TEX36: variants seen among roughly 807,000 people sequenced by gnomAD.
TEX36 encodes the protein testis-expressed protein 36.
TEX36 carries 12 observed loss-of-function variants against 13.6 expected under a neutral mutation model. The observed-to-expected ratio is 0.88, with a 90% CI of 0.56 to 1.43. The LOEUF (loss-of-function observed/expected upper bound fraction) is 1.43, where lower values mean the gene tolerates loss of function less well. Among genes scored for constraint, TEX36 ranks in the 40% most tolerant of loss-of-function variants. TEX36 has a pLI of 0.00. For missense variants in TEX36, 224 were observed against 228.3 expected, an observed-to-expected ratio of 0.98 and a Z score of 0.12; for synonymous variants, 93 against 83.0, an observed-to-expected ratio of 1.12 and a Z score of -0.65.
chr10:125,637,853 C>A (rs1056183288), intron 3 of TEX36, among the ~76,000 whole-genome samples: 2 of 151,998 alleles, frequency 1.3e-5, no homozygotes, highest in African/African-American at 4.8e-5. Flanking sequence ...TTTTCTCCTG[C>A]CCCCACTCCT....
chr10:125,603,443 C>G (rs1221337610), intron 3 of TEX36, among the ~76,000 whole-genome samples: 5 of 152,104 alleles, frequency 3.3e-5, no homozygotes. Flanking sequence ...CCATTTCCCC[C>G]ACTGGTCCTT....
intron 3 of TEX36, among the ~76,000 whole-genome samples, chr10:125,638,714 C>T (rs1846648411): frequency 6.6e-6 from 1 of 152,232 alleles, no homozygotes; most frequent in Non-Finnish European, 1.5e-5. Flanking sequence ...TCTGCCTCCC[C>T]TAGCACCTTG....
At chr10:125,587,096 T>G (rs529907444) in intron 3 of TEX36, among the ~76,000 whole-genome samples, 38 of 152,254 alleles carry the variant, frequency 2.5e-4, no homozygotes, top group African/African-American at 7.9e-4. Flanking sequence ...TCCTGAGGCC[T>G]CCCCAGAAGC....
chr10:125,660,146 T>C (rs984443679), intron 3 of TEX36, among the ~76,000 whole-genome samples: 3 of 152,206 alleles, frequency 2.0e-5, no homozygotes, highest in Non-Finnish European at 2.9e-5. Context: ...TTGCTTGAGA[T>C]AGGATCTCAC....
At chr10:125,603,051 C>T (rs1003112217) in intron 3 of TEX36, among the ~76,000 whole-genome samples, 5 of 152,170 alleles carry the variant, frequency 3.3e-5, no homozygotes, top group Non-Finnish European at 5.9e-5. Context: ...GAGGTGAACA[C>T]GGCTCCCAAG....
intron 3 of TEX36, among the ~76,000 whole-genome samples, chr10:125,641,390 C>T (rs1271973595): frequency 3.3e-5 from 5 of 152,256 alleles, no homozygotes; most frequent in African/African-American, 4.8e-5. Context: ...CTTTGCCCTT[C>T]TAACCATCAT....
intron 3 of TEX36, among the ~76,000 whole-genome samples, chr10:125,657,102 TAAGA>T (rs1468533866): frequency 6.6e-6 from 1 of 152,156 alleles, no homozygotes; most frequent in Non-Finnish European, 1.5e-5. Flanking sequence ...AGATGAAAAC[TAAGA>T]AAGAAAACAC....
chr10:125,617,655 T>A (rs560508448), downstream of TEX36, among the ~76,000 whole-genome samples: 48 of 152,358 alleles, frequency 3.2e-4, no homozygotes, highest in African/African-American at 1.1e-3. Context: ...CCCAGAGATC[T>A]GCTGTTAGTC....
intron 3 of TEX36, among the ~76,000 whole-genome samples, chr10:125,592,059 A>T (rs1423281225): frequency 1.3e-5 from 2 of 152,222 alleles, no homozygotes; most frequent in Non-Finnish European, 2.9e-5. Context: ...GCAAACATGT[A>T]CACAGTGAGA....
chr10:125,586,036 T>A (rs764564487), intron 3 of TEX36, among the ~76,000 whole-genome samples: 15 of 152,206 alleles, frequency 9.9e-5, no homozygotes, highest in Non-Finnish European at 1.5e-4. Context: ...TTTATCTAAG[T>A]TCAGTAATAG....
chr10:125,664,926 A>G (rs1847100127), intron 1 of TEX36, among the ~76,000 whole-genome samples: 1 of 152,110 alleles, frequency 6.6e-6, no homozygotes, highest in Non-Finnish European at 1.5e-5. Context: ...GGGTGAGATG[A>G]TATCTCATTG....
At chr10:125,645,205 T>C (rs1846750340) in intron 3 of TEX36, among the ~76,000 whole-genome samples, 1 of 152,244 alleles carries the variant, frequency 6.6e-6, no homozygotes, top group Non-Finnish European at 1.5e-5. Context: ...TTGTAGTCAC[T>C]TGTTACACAG....
chr10:125,672,273 A>T (rs1311337814), intron 1 of TEX36, among the ~76,000 whole-genome samples: 1 of 152,166 alleles, frequency 6.6e-6, no homozygotes, highest in Non-Finnish European at 1.5e-5. Context: ...ATTTGGTGCT[A>T]TAAGTTTCCT....
At chr10:125,576,879 G>A (rs1845830890) in intron 3 of TEX36, 1 of 1,536,100 alleles carries the variant, frequency 6.5e-7, no homozygotes, top group Non-Finnish European at 8.7e-7. Context: ...TCTTTCCTGT[G>A]AGGAAGAGGG....
chr10:125,675,197 G>A (rs893943107), intron 1 of TEX36, among the ~76,000 whole-genome samples: 8 of 152,194 alleles, frequency 5.3e-5, no homozygotes, highest in Non-Finnish European at 1.0e-4. Context: ...GTCTGGCCAC[G>A]ATCTGCCACA....
At chr10:125,599,981 A>G (rs1846126421) in intron 3 of TEX36, among the ~76,000 whole-genome samples, 1 of 152,042 alleles carries the variant, frequency 6.6e-6, no homozygotes, top group Admixed American at 6.5e-5. Context: ...ACAGGTGGGA[A>G]TTGGAAAGCT....
intron 3 of TEX36, among the ~76,000 whole-genome samples, chr10:125,585,504 G>T (rs1845934445): frequency 6.6e-6 from 1 of 152,100 alleles, no homozygotes; most frequent in South Asian, 2.1e-4. Context: ...CCCCAAGGTG[G>T]ATCAAAGAAA....
At chr10:125,605,109 C>G (rs1261271923) in intron 3 of TEX36, among the ~76,000 whole-genome samples, 1 of 152,192 alleles carries the variant, frequency 6.6e-6, no homozygotes, top group East Asian at 1.9e-4. Context: ...GATGGCTGCT[C>G]TCTGGTACAG....
Position 125,610,591 on chromosome 10 carries a change from G to A in TEX36, c.265-33717C>T, listed in dbSNP as rs573812159. On this transcript the variant is annotated intron_variant, in intron 3 of 3. Coordinates refer to the TEX36 transcript ENST00000532135. ...AAATAATTCTTCCTCTTTTCTATGC[G>A]TTGAATTCATTTTCTGCCAATTTGT... Among the ~76,000 whole-genome samples the A allele has an allele frequency of 1.5e-4, 23 of 152,042 alleles. 1 individual carries two copies. In the South Asian group the frequency reaches 4.3e-3, roughly 29 times the overall value.
Sources: gnomAD v4.1 joint callset for allele counts (sites outside exome capture counted in the v4.1 genomes callset) on GRCh38, gnomAD v4.1.1 for gene constraint, MANE v1.5 for transcripts, NCBI Gene and HGNC (gene_info 2026-07-23, HGNC 2026-07-21) for gene names.